The following LRP2 variants were observed in gnomAD, a reference collection of about 807,000 sequenced individuals.
LRP2 encodes the protein low-density lipoprotein receptor-related protein 2.
In LRP2, 172 loss-of-function variants were observed where a neutral mutation model predicts 531.0. The ratio of observed to expected loss-of-function variants is 0.32; its 90% CI spans 0.29 to 0.37. LRP2 has a LOEUF of 0.37. LRP2 is among the 10% of genes least tolerant of loss of function. The pLI is 1.00. For synonymous variants in LRP2, 1,992 were observed against 2,027.6 expected, an observed-to-expected ratio of 0.98 and a Z score of 0.47; for missense variants, 5,167 against 5,868.3, an observed-to-expected ratio of 0.88 and a Z score of 3.90.
At position 169,209,511 on chromosome 2, in the gene LRP2, A is replaced by T. The variant is rs1559017883; in HGVS notation, c.6411T>A (p.Ile2137=). ...IKPDGSSLMN[I]VTHGIGENGV... is the part of the protein sequence containing the mutation. Reference sequence around the variant, plus strand: ...CATTTTCTCCTATTCCATGTGTCACAATGTTCATCAGAGAAGATCCATCTG... The same window carrying T: ...CATTTTCTCCTATTCCATGTGTCACTATGTTCATCAGAGAAGATCCATCTG... Residue 2137 remains isoleucine, a synonymous_variant, in exon 38 of 79, where the codon ATT becomes ATA. Coordinates refer to ENST00000649046, the MANE Select transcript of LRP2 (RefSeq NM_004525.3). 3 of 1,614,168 alleles carry T rather than the reference A, an allele frequency of 1.9e-6. No individual in the cohort carries two copies. Among genetic ancestry groups the T allele is most frequent in the Admixed American group, 3.3e-5 (2 of 60,014 alleles).
chr2:169,336,562 A>ACACG (rs1203025495), intron 1 of LRP2, among the ~76,000 whole-genome samples: 9 of 151,612 alleles, frequency 5.9e-5, no homozygotes, highest in Non-Finnish European at 1.2e-4. Flanking sequence ...ACACACACAC[A>ACACG]CACGCACAGA....
rs1469073360 is a variant in LRP2 at position 169,251,933 on chromosome 2, A to G, written c.2770+4173T>C. ...TCGACACATACACTCTCCCAAGACT[A>G]AACCAGGAAGAAGTTGAATCTCTGA... is the stretch of plus-strand genomic sequence containing the variant. On this transcript the variant is annotated intron_variant, in intron 19 of 78. Transcript: ENST00000649046. Among the ~76,000 whole-genome samples the G allele has an allele frequency of 5.9e-5, 2 of 34,184 alleles. 1 individual carries two copies. Among genetic ancestry groups the G allele is most frequent in the Non-Finnish European group, 9.4e-5 (2 of 21,194 alleles). The allele number at this position is 34,184 out of a possible 152,430, so 22.4% of individuals were successfully genotyped here.
Position 169,142,734 on chromosome 2 carries a change from T to A in LRP2, c.13048A>T (p.Ser4350Cys). 1 of 1,614,140 alleles carries A rather than the reference T, an allele frequency of 6.2e-7. No individual in the cohort carries two copies. ...HLCLLRPGGY[S>C]CACPQGSSFI... is the part of the protein sequence containing the mutation. The stretch of plus-strand genomic sequence containing the variant: ...CTGGAGCCTTGGGGACAGGCACAGC[T>A]GTATCCTCCAGGTCTCAGAAGGCAG... Residue 4350 changes from serine to cysteine, a missense_variant, in exon 71 of 79, where the codon AGC becomes TGC. Coordinates refer to ENST00000649046, the MANE Select transcript of LRP2 (RefSeq NM_004525.3).
chr2:169,245,846 T>C (rs1689984773), intron 21 of LRP2, among the ~76,000 whole-genome samples: 1 of 152,192 alleles, frequency 6.6e-6, no homozygotes, highest in African/African-American at 2.4e-5. Flanking sequence ...GTCTACTTTA[T>C]TTTTGGTTTT....
intron 62 of LRP2, among the ~76,000 whole-genome samples, chr2:169,163,066 A>G (rs1449792554): frequency 1.3e-5 from 2 of 152,212 alleles, no homozygotes; most frequent in African/African-American, 4.8e-5. Flanking sequence ...AAAAACATAA[A>G]ATATTTGGCA....
At position 169,151,088 on chromosome 2, in the gene LRP2, A is replaced by T. The variant is rs1284501983; in HGVS notation, c.12462-62T>A. ...CCTAGAGTAATCATTACTGGGTAAG[A>T]GGTTTGAAGATGAGAGCATTTCGTT... On this transcript the variant is annotated intron_variant, in intron 67 of 78. Coordinates refer to ENST00000649046, the MANE Select transcript of LRP2 (RefSeq NM_004525.3). The T allele has an allele frequency of 3.2e-6, 5 of 1,575,038 alleles. No individual in the cohort carries two copies. The South Asian group carries it at 4.4e-5, about 14-fold the overall frequency.
intron 43 of LRP2, 104 bp downstream of exon 43, chr2:169,202,652 A>C: frequency 8.5e-7 from 1 of 1,180,060 alleles, no homozygotes; most frequent in Non-Finnish European, 1.3e-6. Flanking sequence ...CAGGATGCCT[A>C]GGCACACATT....
intron 67 of LRP2, among the ~76,000 whole-genome samples, chr2:169,151,913 T>C (rs1031440410): frequency 1.2e-4 from 18 of 152,204 alleles, no homozygotes; most frequent in Admixed American, 6.5e-5. Flanking sequence ...AAAGATGCTC[T>C]TCCAGGAACA....
intron 1 of LRP2, among the ~76,000 whole-genome samples, chr2:169,326,941 A>C (rs1455754319): frequency 2.8e-5 from 4 of 145,420 alleles, no homozygotes; most frequent in African/African-American, 1.0e-4. Context: ...GTCTCTGCCC[A>C]GCCGCCCCGT....
At chr2:169,327,764 C>T (rs2105530519) in intron 1 of LRP2, among the ~76,000 whole-genome samples, 1 of 124,142 alleles carries the variant, frequency 8.1e-6, no homozygotes, top group Non-Finnish European at 1.7e-5. Context: ...GTGGGGGGGT[C>T]AGCCCCCCGC....
At chr2:169,174,695 A>C (rs1687123631) in intron 55 of LRP2, among the ~76,000 whole-genome samples, 1 of 151,916 alleles carries the variant, frequency 6.6e-6, no homozygotes, top group Non-Finnish European at 1.5e-5. Context: ...TTTTTTGTAG[A>C]GACAGGCTTT....
Position 169,292,306 on chromosome 2 carries a change from C to G in LRP2, c.716G>C (p.Trp239Ser). The G allele has an allele frequency of 6.2e-7, 1 of 1,614,134 alleles. No homozygotes were observed. The highest frequency in any genetic ancestry group is 2.2e-5 in the East Asian group (1 of 44,884). Residue 239 changes from tryptophan to serine, a missense_variant, in exon 7 of 79, where the codon TGG becomes TCG. Physicochemically the swap from Trp to Ser is radical, Grantham distance 177 (BLOSUM62 -3). Around this residue, in one of 6 missense-constraint regions of LRP2, gnomAD observed 2,811 missense variants for 3,058.0 expected, o/e 0.92. Transcript: ENST00000649046. ...ACAGTCATCTTCTCCATCACAAACC[C>G]AGTTTTGATAAATGCATCGGCCACT... Reference protein sequence around the residue: ...CPSGRCIYQNWVCDGEDDCKD... With the variant: ...CPSGRCIYQNSVCDGEDDCKD...
intron 46 of LRP2, 34 bp downstream of exon 46, chr2:169,196,877 T>A: frequency 1.9e-6 from 3 of 1,613,648 alleles, no homozygotes; most frequent in Non-Finnish European, 2.5e-6. Flanking sequence ...TCTAGCTGCA[T>A]CGTGATGTTT....
intron 1 of LRP2, among the ~76,000 whole-genome samples, chr2:169,344,548 C>T (rs1685647927): frequency 6.6e-6 from 1 of 152,144 alleles, no homozygotes; most frequent in Non-Finnish European, 1.5e-5. Flanking sequence ...CAAATGAATG[C>T]AGTCAATATA....
intron 36 of LRP2, 97 bp downstream of exon 36, chr2:169,213,560 G>A (rs1019130836): frequency 4.2e-6 from 4 of 961,958 alleles, no homozygotes; most frequent in African/African-American, 1.6e-5. Flanking sequence ...GCACGTGTAT[G>A]TACGTGAAAC....
chr2:169,170,718 G>A, intron 58 of LRP2, 51 bp from the exon 59 acceptor site: 1 of 1,275,322 alleles, frequency 7.8e-7, no homozygotes, highest in African/African-American at 1.5e-5. Flanking sequence ...ATCACATACA[G>A]GAGACATCTT....
intron 58 of LRP2, among the ~76,000 whole-genome samples, 154 bp downstream of exon 58, chr2:169,171,861 T>A (rs994946891): frequency 6.6e-6 from 1 of 152,182 alleles, no homozygotes; most frequent in African/African-American, 2.4e-5. Context: ...GAAGAGAAAG[T>A]AGAAATGTAC....
intron 4 of LRP2, among the ~76,000 whole-genome samples, chr2:169,305,547 C>T (rs748798660): frequency 7.9e-5 from 12 of 151,990 alleles, no homozygotes; most frequent in South Asian, 4.1e-4. Flanking sequence ...GGAGATATCC[C>T]GTGAGAATAG....
At chr2:169,358,703 T>C (rs1281747939) in intron 1 of LRP2, among the ~76,000 whole-genome samples, 2 of 152,158 alleles carry the variant, frequency 1.3e-5, no homozygotes, top group African/African-American at 4.8e-5. Flanking sequence ...TTAAAGAATA[T>C]AATGTTGGAC....
Sources: gnomAD v4.1 joint callset for allele counts (sites outside exome capture counted in the v4.1 genomes callset) on GRCh38, gnomAD v4.1.1 for gene constraint, gnomAD v4.1.1 regional missense constraint, MANE v1.5 for transcripts, NCBI Gene and HGNC (gene_info 2026-07-23, HGNC 2026-07-21) for gene names.